TNFSF8: variants seen among roughly 807,000 people sequenced by gnomAD.
TNFSF8 encodes tumor necrosis factor ligand superfamily member 8.
A neutral mutation model predicts 22.0 loss-of-function variants in TNFSF8; 4 were observed. That is an observed-to-expected ratio of 0.18 (90% CI 0.09 to 0.42). The LOEUF is 0.42. Ranked by LOEUF, TNFSF8 falls within the 10% of genes least tolerant of loss-of-function variation. TNFSF8 has a pLI of 1.00. For synonymous variants in TNFSF8, 106 were observed against 112.5 expected (o/e 0.94, Z 0.37); for missense variants, 233 against 281.8 (o/e 0.83, Z 1.24).
chr9:114,930,197 C>A lies in TNFSF8; in HGVS notation c.107G>T (p.Arg36Leu). The A allele has an allele frequency of 6.2e-7, 1 of 1,605,574 alleles. No homozygotes were observed. The highest frequency in any genetic ancestry group is 8.5e-7 in the Non-Finnish European group (1 of 1,175,886). ...SVASHLGTTS[R>L]SYFYLTTATL... ...GGCTGTGGTCAAATAGAAATAGCTG[C>A]GGCTCGTGGTCCCCAGGTGGCTGGC... The change falls in exon 1 of 4, where the codon CGC becomes CTC. Residue 36 changes from arginine to leucine, a missense_variant. Transcript: ENST00000223795.
At chr9:114,921,997 C>A (rs1190065737) in intron 1 of TNFSF8, among the ~76,000 whole-genome samples, 2 of 152,200 alleles carry the variant, frequency 1.3e-5, no homozygotes, top group African/African-American at 4.8e-5. Context: ...ACCCCCATCC[C>A]AACCATCTTC....
intron 1 of TNFSF8, among the ~76,000 whole-genome samples, chr9:114,921,511 C>G (rs914777891): frequency 6.6e-6 from 1 of 152,220 alleles, no homozygotes; most frequent in Non-Finnish European, 1.5e-5. Context: ...TCCCCTCTCC[C>G]ATAAGCAGTC....
At chr9:114,920,542 C>G (rs1423892075) in intron 1 of TNFSF8, among the ~76,000 whole-genome samples, 1 of 152,134 alleles carries the variant, frequency 6.6e-6, no homozygotes, top group East Asian at 1.9e-4. Context: ...GTGGCAAGAG[C>G]TATGGAGGAA....
At chr9:114,929,808 C>G (rs543902597) in intron 1 of TNFSF8, among the ~76,000 whole-genome samples, 8 of 151,100 alleles carry the variant, frequency 5.3e-5, no homozygotes, top group African/African-American at 1.9e-4. Flanking sequence ...GATGGTCTAA[C>G]AATATTTTTC....
chr9:114,901,536 G>C lies in TNFSF8; in HGVS notation c.*2395C>G. ...TGTGAGATGGCAAAAAAATTGCTTA[G>C]TTAACACACAGTTGGGTTGCATATA... On this transcript the variant is annotated 3_prime_UTR_variant, in exon 4 of 4. Coordinates refer to ENST00000223795, the MANE Select transcript of TNFSF8 (RefSeq NM_001244.4). The C allele has an allele frequency of 1.0e-6, 1 of 985,228 alleles. No individual in the cohort carries two copies. The allele number at this position is 985,228 out of a possible 1,614,324, so 61.0% of individuals were successfully genotyped here. A position where few individuals can be genotyped will look rare whatever the true frequency, so the allele number is the denominator to read the frequency against.
chr9:114,915,728 C>A (rs1421658743), intron 2 of TNFSF8, among the ~76,000 whole-genome samples: 1 of 151,676 alleles, frequency 6.6e-6, no homozygotes, highest in Non-Finnish European at 1.5e-5. Flanking sequence ...GAGAATGAAC[C>A]CAAAGGAGGT....
downstream of TNFSF8, among the ~76,000 whole-genome samples, chr9:114,900,332 A>G (rs1437699977): frequency 6.6e-6 from 1 of 152,206 alleles, no homozygotes; most frequent in African/African-American, 2.4e-5. Flanking sequence ...TATCATCTCT[A>G]GAACACTCCT....
At chr9:114,900,498 C>G (rs1827704075), downstream of TNFSF8, among the ~76,000 whole-genome samples, 2 of 152,176 alleles carry the variant, frequency 1.3e-5, no homozygotes. Flanking sequence ...CTTGATAGGG[C>G]CTCCTATAGC....
At chr9:114,926,628 A>C (rs1487953240) in intron 1 of TNFSF8, among the ~76,000 whole-genome samples, 1 of 152,202 alleles carries the variant, frequency 6.6e-6, no homozygotes, top group East Asian at 1.9e-4. Context: ...CTATGTACTG[A>C]CATGGAAGGA....
At chr9:114,910,629 C>A (rs1267134842) in intron 2 of TNFSF8, among the ~76,000 whole-genome samples, 2 of 152,186 alleles carry the variant, frequency 1.3e-5, no homozygotes, top group Non-Finnish European at 1.5e-5. Context: ...CACTAATGAG[C>A]TCCTGGGTTC....
chr9:114,920,006 G>C (rs760187386), intron 1 of TNFSF8, among the ~76,000 whole-genome samples: 1 of 152,194 alleles, frequency 6.6e-6, no homozygotes, highest in Non-Finnish European at 1.5e-5. Flanking sequence ...CCTTCCTACT[G>C]TAACAGTCTA....
Position 114,902,430 on chromosome 9 carries a change from A to G in TNFSF8, c.*1501T>C. On this transcript the variant is annotated 3_prime_UTR_variant, in exon 4 of 4. Coordinates refer to ENST00000223795, the MANE Select transcript of TNFSF8 (RefSeq NM_001244.4). ...AGGCACAATGCTTTCCTGACCAGAA[A>G]TGAAAAATGCCTGCTGCTCAATTAT... is the stretch of plus-strand genomic sequence containing the variant. 1 of 985,462 alleles carries G rather than the reference A, an allele frequency of 1.0e-6. No homozygotes were observed. Among genetic ancestry groups the G allele is most frequent in the South Asian group, 4.7e-5 (1 of 21,294 alleles). 61.0% of individuals were successfully genotyped at this position (985,462 alleles called of 1,614,324 possible).
At chr9:114,919,428 G>C (rs1827961015) in intron 1 of TNFSF8, among the ~76,000 whole-genome samples, 1 of 152,108 alleles carries the variant, frequency 6.6e-6, no homozygotes, top group South Asian at 2.1e-4. Context: ...CTCTCAACAA[G>C]GAGTTAACAG....
downstream of TNFSF8, among the ~76,000 whole-genome samples, chr9:114,898,600 G>A (rs1827681497): frequency 6.6e-6 from 1 of 152,148 alleles, no homozygotes; most frequent in Non-Finnish European, 1.5e-5. Context: ...TTGAGATTTG[G>A]AATGTAGGAA....
intron 2 of TNFSF8, among the ~76,000 whole-genome samples, chr9:114,914,831 T>C (rs979588701): frequency 1.3e-5 from 2 of 152,214 alleles, no homozygotes; most frequent in Non-Finnish European, 2.9e-5. Flanking sequence ...GGGGCTATCC[T>C]GGCCAGGAAT....
chr9:114,915,003 G>T (rs2131345902), intron 2 of TNFSF8, among the ~76,000 whole-genome samples: 1 of 152,322 alleles, frequency 6.6e-6, no homozygotes, highest in African/African-American at 2.4e-5. Context: ...GCTGATGGTG[G>T]AAGATTTTCA....
intron 1 of TNFSF8, among the ~76,000 whole-genome samples, chr9:114,921,850 G>T (rs980341142): frequency 3.3e-5 from 5 of 152,166 alleles, no homozygotes; most frequent in Non-Finnish European, 7.3e-5. Context: ...TATCAACGAG[G>T]TATACTTCCT....
intron 2 of TNFSF8, among the ~76,000 whole-genome samples, chr9:114,913,579 T>C (rs1309858380): frequency 1.3e-5 from 2 of 152,144 alleles, no homozygotes; most frequent in African/African-American, 4.8e-5. Context: ...ATATGTAGAC[T>C]TGGCCAGCAG....
At chr9:114,897,438 G>A (rs951224703), downstream of TNFSF8, among the ~76,000 whole-genome samples, 1 of 152,092 alleles carries the variant, frequency 6.6e-6, no homozygotes, top group East Asian at 1.9e-4. Flanking sequence ...AGATTGGTAG[G>A]GTTCCTGCCT....
Sources: allele counts gnomAD v4.1 joint callset (sites outside exome capture counted in the v4.1 genomes callset), GRCh38; gene constraint gnomAD v4.1.1; transcripts MANE v1.5; gene names NCBI Gene and HGNC (gene_info 2026-07-23, HGNC 2026-07-21).